The following OR1J2 variants were observed in gnomAD, a reference collection of about 807,000 sequenced individuals.
The protein encoded by OR1J2 is olfactory receptor family 1 subfamily J member 2, also known as olfactory receptor 1J2.
For synonymous variants in OR1J2, 142 were observed against 99.7 expected (o/e 1.42, Z -2.52); for missense variants, 304 against 246.1 (o/e 1.24, Z -1.57).
At chr9:122,527,916 T>G in the OR1J2 span, among the ~76,000 whole-genome samples, 1 of 152,194 alleles carries the variant, frequency 6.6e-6, no homozygotes, top group Admixed American at 6.5e-5. Context: ...CTTTAATCCT[T>G]AAACAACACT....
downstream of OR1J2, among the ~76,000 whole-genome samples, chr9:122,515,246 G>C (rs1828683099): frequency 6.6e-6 from 1 of 152,016 alleles, no homozygotes. Context: ...GGCTAACTCT[G>C]GTCCCTTGGT....
chr9:122,484,370 C>T, the OR1J2 span, among the ~76,000 whole-genome samples: 4 of 152,056 alleles, frequency 2.6e-5, no homozygotes. Flanking sequence ...CCATGTTGGC[C>T]AGGATGGTCT....
chr9:122,526,983 A>G, the OR1J2 span: 40 of 1,614,240 alleles, frequency 2.5e-5, no homozygotes, highest in Non-Finnish European at 3.1e-5. Context: ...ATCACCAAAC[A>G]TCAGAAAGAA....
At chr9:122,519,807 G>C in the OR1J2 span, 1 of 1,614,110 alleles carries the variant, frequency 6.2e-7, no homozygotes. Flanking sequence ...CCACATTGGG[G>C]TCACCATCCT....
At chr9:122,452,036 G>A in the OR1J2 span, among the ~76,000 whole-genome samples, 1 of 152,102 alleles carries the variant, frequency 6.6e-6, no homozygotes, top group Non-Finnish European at 1.5e-5. Flanking sequence ...CTGCCACCAC[G>A]CCCGGCTAAT....
upstream of OR1J2, among the ~76,000 whole-genome samples, chr9:122,509,168 C>T (rs1828587141): frequency 6.6e-6 from 1 of 152,162 alleles, no homozygotes; most frequent in African/African-American, 2.4e-5. Context: ...TTAATCCCAC[C>T]TTGGAATGCA....
chr9:122,486,337 C>G, the OR1J2 span, among the ~76,000 whole-genome samples: 2 of 152,128 alleles, frequency 1.3e-5, no homozygotes, highest in Admixed American at 1.3e-4. Context: ...TATTATAGCA[C>G]TAGTATATTG....
chr9:122,519,901 C>T, the OR1J2 span: 67 of 1,614,028 alleles, frequency 4.2e-5, no homozygotes, highest in African/African-American at 8.0e-4. Flanking sequence ...TATTATGGCA[C>T]AATTATTGGA....
chr9:122,489,433 C>T, the OR1J2 span, among the ~76,000 whole-genome samples: 1 of 152,078 alleles, frequency 6.6e-6, no homozygotes, highest in African/African-American at 2.4e-5. Context: ...GCTCCAGAGT[C>T]GGCCACTTGT....
At chr9:122,578,053 C>T in the OR1J2 span, among the ~76,000 whole-genome samples, 2 of 152,154 alleles carry the variant, frequency 1.3e-5, no homozygotes, top group African/African-American at 4.8e-5. Flanking sequence ...TAAATTAGTA[C>T]AACCACTATG....
chr9:122,553,874 T>A, the OR1J2 span: 1 of 1,614,116 alleles, frequency 6.2e-7, no homozygotes, highest in Non-Finnish European at 8.5e-7. Context: ...TCTTCTCCTA[T>A]GTCCGCATTT....
chr9:122,518,510 A>G, the OR1J2 span, among the ~76,000 whole-genome samples: 13 of 152,218 alleles, frequency 8.5e-5, no homozygotes, highest in Non-Finnish European at 1.8e-4. Context: ...TAAGGGCAAT[A>G]ATCCCATTCA....
At chr9:122,476,295 G>A in the OR1J2 span, among the ~76,000 whole-genome samples, 1 of 152,150 alleles carries the variant, frequency 6.6e-6, no homozygotes, top group Non-Finnish European at 1.5e-5. Context: ...GTGCCTGGGC[G>A]AAAGAGGAGC....
At chr9:122,527,823 T>A in the OR1J2 span, among the ~76,000 whole-genome samples, 9 of 152,354 alleles carry the variant, frequency 5.9e-5, no homozygotes, top group East Asian at 1.7e-3. Flanking sequence ...ATTGGCATCA[T>A]CATCATCCTG....
the OR1J2 span, chr9:122,527,105 G>A: frequency 6.2e-7 from 1 of 1,614,228 alleles, no homozygotes; most frequent in East Asian, 2.2e-5. Flanking sequence ...CAAAAGACAG[G>A]TTGGCCAAGA....
the OR1J2 span, chr9:122,553,080 C>A: frequency 1.2e-6 from 1 of 851,746 alleles, no homozygotes; most frequent in Non-Finnish European, 1.8e-6. Context: ...TTGGCAAAGA[C>A]CATTTATTTT....
chr9:122,458,067 C>G, the OR1J2 span, among the ~76,000 whole-genome samples: 3 of 151,740 alleles, frequency 2.0e-5, no homozygotes, highest in Non-Finnish European at 4.4e-5. Flanking sequence ...GACATTTTCC[C>G]CTTTGTCTGA....
At chr9:122,567,022 A>T in the OR1J2 span, 1 of 152,192 alleles carries the variant, frequency 6.6e-6, no homozygotes, top group African/African-American at 2.4e-5. Context: ...AAAAAAGTAA[A>T]AGCTTAAGAT....
chr9:122,571,587 G>A, the OR1J2 span, among the ~76,000 whole-genome samples: 442 of 150,736 alleles, frequency 2.9e-3, 2 homozygotes, highest in Non-Finnish European at 5.1e-3. Flanking sequence ...GTGGTGGGGC[G>A]CACCTGTAGT....
Sources: gnomAD v4.1 joint callset for allele counts (sites outside exome capture counted in the v4.1 genomes callset) on GRCh38, gnomAD v4.1.1 for gene constraint, MANE v1.5 for transcripts, NCBI Gene and HGNC (gene_info 2026-07-23, HGNC 2026-07-21) for gene names.